The following PPP4R2 variants were observed in gnomAD, a reference collection of about 807,000 sequenced individuals.
PPP4R2 encodes the protein protein phosphatase 4 regulatory subunit 2.
In PPP4R2, 13 loss-of-function variants were observed where a neutral mutation model predicts 47.2. The observed-to-expected ratio is 0.28, with a 90% CI of 0.18 to 0.44. The LOEUF (loss-of-function observed/expected upper bound fraction) is 0.44. Ranked by LOEUF, PPP4R2 falls within the 20% of genes least tolerant of loss-of-function variation. The pLI is 1.00. For synonymous variants in PPP4R2, 151 were observed against 163.3 expected, an observed-to-expected ratio of 0.92 and a Z score of 0.57; for missense variants, 421 against 491.2, an observed-to-expected ratio of 0.86 and a Z score of 1.35.
intron 2 of PPP4R2, among the ~76,000 whole-genome samples, chr3:73,006,583 G>C (rs1046998209): frequency 1.3e-5 from 2 of 152,138 alleles, no homozygotes; most frequent in African/African-American, 4.8e-5. Context: ...TCCAGGCTGT[G>C]TTCTCCACTT....
intron 2 of PPP4R2, among the ~76,000 whole-genome samples, chr3:72,999,856 TTTTTA>T (rs1575832725): frequency 1.3e-5 from 2 of 152,146 alleles, no homozygotes; most frequent in Admixed American, 1.3e-4. Context: ...TGGAAAATAT[TTTTTA>T]TTTTATTATG....
At chr3:73,052,514 C>T (rs1211701626) in intron 3 of PPP4R2, among the ~76,000 whole-genome samples, 1 of 152,022 alleles carries the variant, frequency 6.6e-6, no homozygotes, top group East Asian at 1.9e-4. Flanking sequence ...TTACAGAGAC[C>T]ATGAATATAA....
At chr3:73,014,786 C>T in intron 2 of PPP4R2, 1 of 399,644 alleles carries the variant, frequency 2.5e-6, no homozygotes, top group Non-Finnish European at 4.4e-6. Flanking sequence ...TTGCCTGTAT[C>T]ATTTGTTTCA....
Position 73,031,180 on chromosome 3 carries a change from G to C in PPP4R2, c.117-16006G>C, listed in dbSNP as rs560003018. On this transcript the variant is annotated intron_variant, in intron 2 of 8. Coordinates refer to ENST00000356692, the MANE Select transcript of PPP4R2 (RefSeq NM_174907.4). Reference sequence around the variant, plus strand: ...GCTCATCAAGAACTATAAAAATGTAGCTAAGGTTTGACAAAGCTAAGTGAT... The same window carrying C: ...GCTCATCAAGAACTATAAAAATGTACCTAAGGTTTGACAAAGCTAAGTGAT... 1.2e-4 allele frequency among the ~76,000 whole-genome samples: 18 copies of C among 152,286 alleles called. No individual in the cohort carries two copies. In the South Asian group the frequency reaches 3.7e-3, roughly 32 times the overall value.
intron 3 of PPP4R2, among the ~76,000 whole-genome samples, chr3:73,048,493 A>G (rs1479082127): frequency 5.9e-5 from 9 of 151,952 alleles, no homozygotes. Flanking sequence ...TGACCTTGTG[A>G]TCCGCCCACC....
chr3:73,020,818 G>A lies in PPP4R2; in HGVS notation c.116+22660G>A, dbSNP rs990403933. ...GCTGGGATTATAGGTGTGATCTACCGTGCCTGGTGTTTCTGGCATAATTGG... is the reference window on the plus strand; with the variant it reads ...GCTGGGATTATAGGTGTGATCTACCATGCCTGGTGTTTCTGGCATAATTGG... On this transcript the variant is annotated intron_variant, in intron 2 of 8. Coordinates refer to ENST00000356692, the MANE Select transcript of PPP4R2 (RefSeq NM_174907.4). Among the ~76,000 whole-genome samples the A allele has an allele frequency of 4.3e-4, 66 of 152,034 alleles. 1 individual carries two copies. Among genetic ancestry groups the A allele is most frequent in the African/African-American group, 1.5e-3 (63 of 41,450 alleles).
intron 3 of PPP4R2, among the ~76,000 whole-genome samples, chr3:73,056,845 T>C (rs1388591080): frequency 2.0e-5 from 3 of 152,196 alleles, no homozygotes; most frequent in Non-Finnish European, 4.4e-5. Flanking sequence ...AATATTCATC[T>C]GTTAAAACTA....
intron 3 of PPP4R2, among the ~76,000 whole-genome samples, chr3:73,052,925 T>TTATA (rs919644633): frequency 6.6e-6 from 1 of 152,184 alleles, no homozygotes; most frequent in Non-Finnish European, 1.5e-5. Context: ...TCTTTTAAAG[T>TTATA]TATATATGAG....
At chr3:73,013,785 C>G (rs896882083) in intron 2 of PPP4R2, among the ~76,000 whole-genome samples, 1 of 152,094 alleles carries the variant, frequency 6.6e-6, no homozygotes. Context: ...ATTACGGGCA[C>G]GTGCCACCGT....
In PPP4R2 at chr3:73,062,248, A is replaced by G. The variant is rs375687114; in HGVS notation, c.419+1188A>G. The G allele has an allele frequency of 2.9e-5, 47 of 1,598,122 alleles. No individual in the cohort carries two copies. The highest frequency in any genetic ancestry group is 3.9e-5 in the Non-Finnish European group (46 of 1,175,706). On this transcript the variant is annotated intron_variant, in intron 5 of 8. Transcript: ENST00000356692. ...ATGTCTCATCTAAGAAAGGACTCAC[A>G]GCCCAGCAGCCCAGGAGATGACGCA...
chr3:73,001,997 ATC>A (rs1386657809), intron 2 of PPP4R2, among the ~76,000 whole-genome samples: 1 of 149,342 alleles, frequency 6.7e-6, no homozygotes, highest in Non-Finnish European at 1.5e-5. Flanking sequence ...CTCCCCTTTT[ATC>A]TCTCCTGTTC....
chr3:73,052,167 AG>A (rs1369995481), intron 3 of PPP4R2, among the ~76,000 whole-genome samples: 1 of 152,102 alleles, frequency 6.6e-6, no homozygotes, highest in Non-Finnish European at 1.5e-5. Context: ...TAGAAAAAAA[AG>A]AATAAAAGTA....
intron 7 of PPP4R2, 63 bp downstream of exon 7, chr3:73,064,209 G>A (rs766321841): frequency 5.9e-6 from 8 of 1,363,338 alleles, no homozygotes; most frequent in Non-Finnish European, 8.0e-6. Flanking sequence ...CATTTAATCA[G>A]TACTTATCAC....
chr3:73,017,858 G>A (rs1701872503), intron 2 of PPP4R2, among the ~76,000 whole-genome samples: 1 of 151,794 alleles, frequency 6.6e-6, no homozygotes, highest in South Asian at 2.1e-4. Flanking sequence ...CTTCCGTGTA[G>A]CTGGGATTAC....
intron 2 of PPP4R2, among the ~76,000 whole-genome samples, chr3:73,031,368 T>C (rs1360442495): frequency 6.6e-6 from 1 of 152,014 alleles, no homozygotes; most frequent in Admixed American, 6.5e-5. Flanking sequence ...GGTGAAACCC[T>C]GTCTCTGCTA....
At chr3:73,033,153 A>G (rs1161672882) in intron 2 of PPP4R2, among the ~76,000 whole-genome samples, 2 of 152,220 alleles carry the variant, frequency 1.3e-5, no homozygotes, top group African/African-American at 2.4e-5. Context: ...GAGGCACAAT[A>G]ACAATTTTTT....
chr3:73,063,645 T>A, intron 5 of PPP4R2, 28 bp from the exon 6 acceptor site: 1 of 1,382,090 alleles, frequency 7.2e-7, no homozygotes, highest in Non-Finnish European at 1.0e-6. Context: ...AATTAAGTCA[T>A]CCACAAGTGT....
rs754072026 is a variant in PPP4R2, at chr3:73,064,028, C to A, written c.520C>A (p.Pro174Thr). ...ERSNINGPGTPRPLNRPKVSL... is the reference protein window; with the variant it reads ...ERSNINGPGTTRPLNRPKVSL... Reference sequence around the variant, plus strand: ...GTCTAATATAAATGGGCCTGGGACACCCAGGCCACTTAATCGACCAAAGGT... The same window carrying A: ...GTCTAATATAAATGGGCCTGGGACAACCAGGCCACTTAATCGACCAAAGGT... Residue 174 changes from proline (P) to threonine (T), a missense_variant, in exon 7 of 9, where the codon CCC (proline) becomes ACC (threonine). By Grantham distance (38) the Pro-to-Thr change is conservative. Transcript: ENST00000356692. 2.1e-5 allele frequency: 34 copies of A among 1,611,080 alleles called. No homozygotes were observed. The Admixed American group carries it at 5.5e-4, about 26-fold the overall frequency.
chr3:73,039,936 C>A (rs919919335), intron 2 of PPP4R2, among the ~76,000 whole-genome samples: 1 of 152,156 alleles, frequency 6.6e-6, no homozygotes, highest in Non-Finnish European at 1.5e-5. Context: ...TGCCTGTAAT[C>A]CCAGCTACTT....
Sources: allele counts gnomAD v4.1 joint callset (sites outside exome capture counted in the v4.1 genomes callset), GRCh38; gene constraint gnomAD v4.1.1; transcripts MANE v1.5; gene names NCBI Gene and HGNC (gene_info 2026-07-23, HGNC 2026-07-21).